Variants in PCNX2 observed in about 807,000 individuals in gnomAD.
The protein encoded by PCNX2 is pecanex 2.
In PCNX2, 168 loss-of-function variants were observed where a neutral mutation model predicts 223.8. The observed-to-expected ratio is 0.75, with a 90% CI of 0.66 to 0.85. PCNX2 has a LOEUF of 0.85. Among genes scored for constraint, PCNX2 ranks in the 40% least tolerant of loss-of-function variants. The pLI is 0.00. For missense variants in PCNX2, 2,507 were observed against 2,675.5 expected (o/e 0.94, Z 1.39); for synonymous variants, 1,006 against 1,052.6 (o/e 0.96, Z 0.86).
chr1:233,083,855 T>C (rs368688021), intron 23 of PCNX2, among the ~76,000 whole-genome samples: 266 of 152,292 alleles, frequency 1.7e-3, no homozygotes, highest in African/African-American at 6.1e-3. Flanking sequence ...ATCTATATGA[T>C]GTGTCATTTC....
rs1032419485 is a variant in PCNX2, at chr1:233,282,207, C to G, written c.153+13119G>C. On this transcript the variant is annotated intron_variant, in intron 1 of 33. Coordinates refer to ENST00000258229, the MANE Select transcript of PCNX2 (RefSeq NM_014801.4). ...CTCTCCTTGCTCTTCCCTTGTCTCC[C>G]GACGCCTCCTCTTTGCCCTGCCTCT... 2.6e-5 allele frequency among the ~76,000 whole-genome samples: 4 copies of G among 152,064 alleles called. No individual in the cohort carries two copies. The South Asian group carries it at 8.3e-4, about 32-fold the overall frequency.
At chr1:233,129,871 C>T (rs937476573) in intron 21 of PCNX2, among the ~76,000 whole-genome samples, 8 of 152,190 alleles carry the variant, frequency 5.3e-5, no homozygotes, top group Non-Finnish European at 1.0e-4. Flanking sequence ...AGAATAAAAG[C>T]AGGCTGCCAG....
chr1:233,208,625 A>C lies in PCNX2; in HGVS notation c.2756T>G (p.Leu919Trp). 6.2e-7 allele frequency: 1 copy of C among 1,613,942 alleles called. No individual in the cohort carries two copies. The highest frequency in any genetic ancestry group is 2.2e-5 in the East Asian group (1 of 44,870). The stretch of plus-strand genomic sequence containing the variant: ...GGCTTTGGCCCCTGTATCAAGAAGC[A>C]AAATAAGGCCACACAGCACACAAAA... ...IYFCVLCGLI[L>W]LLDTGAKARH... The change falls in exon 13 of 34, where the codon TTG becomes TGG. Residue 919 changes from leucine (L) to tryptophan (W), a missense_variant. Coordinates refer to ENST00000258229, the MANE Select transcript of PCNX2 (RefSeq NM_014801.4).
chr1:233,125,187 T>G (rs1410976168), intron 21 of PCNX2, among the ~76,000 whole-genome samples: 1 of 152,244 alleles, frequency 6.6e-6, no homozygotes, highest in Non-Finnish European at 1.5e-5. Flanking sequence ...TGTTGAGCTT[T>G]GATCTCTGAA....
rs759045027 is a variant in PCNX2 at position 233,054,404 on chromosome 1, T to C, written c.4215A>G (p.Leu1405=). ...RTLQESLCGD[L]VLGRWGNYSS... ...TGTAGTTGCCCCAACGTCCAAGAAC[T>C]AAGTCTCCACAGAGGGACTCCTGGA... Residue 1405 remains leucine (L), a synonymous_variant, in exon 25 of 34, where the codon TTA becomes TTG. Transcript: ENST00000258229. 1.2e-6 allele frequency: 2 copies of C among 1,613,852 alleles called. No individual in the cohort carries two copies. Among genetic ancestry groups the C allele is most frequent in the Non-Finnish European group, 1.7e-6 (2 of 1,179,814 alleles).
intron 25 of PCNX2, among the ~76,000 whole-genome samples, chr1:233,030,043 C>A (rs933982318): frequency 1.3e-5 from 2 of 152,150 alleles, no homozygotes; most frequent in African/African-American, 4.8e-5. Flanking sequence ...CTATTTCACA[C>A]TTCTCCATTT....
chr1:233,018,774 A>G (rs2102823176), intron 26 of PCNX2: 8 of 985,434 alleles, frequency 8.1e-6, no homozygotes, highest in Non-Finnish European at 9.6e-6. Flanking sequence ...TCACTGTGAA[A>G]TCATGAGGGG....
At chr1:233,131,724 C>G (rs1429904243) in intron 21 of PCNX2, among the ~76,000 whole-genome samples, 1 of 151,930 alleles carries the variant, frequency 6.6e-6, no homozygotes, top group Non-Finnish European at 1.5e-5. Context: ...TTTTGTCTCA[C>G]TAATTTTTCT....
At chr1:233,208,947 C>A (rs1302319327) in intron 12 of PCNX2, among the ~76,000 whole-genome samples, 1 of 147,296 alleles carries the variant, frequency 6.8e-6, no homozygotes, top group Non-Finnish European at 1.5e-5. Flanking sequence ...TCATTCTCAA[C>A]AAGATTTACC....
intron 17 of PCNX2, among the ~76,000 whole-genome samples, chr1:233,172,782 AAG>A (rs1164260992): frequency 3.3e-5 from 5 of 152,296 alleles, no homozygotes; most frequent in Non-Finnish European, 5.9e-5. Context: ...TACATTCAGG[AAG>A]AGTTTTTTTG....
In PCNX2 at chr1:233,025,163, T is replaced by C; in HGVS notation, c.4588A>G (p.Ile1530Val). The C allele has an allele frequency of 1.2e-6, 2 of 1,613,964 alleles. No individual in the cohort carries two copies. Among genetic ancestry groups the C allele is most frequent in the South Asian group, 2.2e-5 (2 of 91,082 alleles). Residue 1530 changes from isoleucine to valine, a missense_variant, in exon 26 of 34, where the codon ATC (isoleucine) becomes GTC (valine). Physicochemically the swap from Ile to Val is conservative, Grantham distance 29. Around this residue, in one of 3 missense-constraint regions of PCNX2, gnomAD observed 1,372 missense variants for 1,509.4 expected, o/e 0.91. Transcript: ENST00000258229. The part of the protein sequence containing the change: ...LQVFDLRRIL[I>V]RYYIKSIIYY... ...AGCAATACCTTGATGTAGTAGCGGA[T>C]GAGGATCCTTCGGAGGTCAAACACC... is the stretch of plus-strand genomic sequence containing the variant.
At chr1:233,013,271 T>C (rs1038468626) in intron 28 of PCNX2, among the ~76,000 whole-genome samples, 2 of 152,198 alleles carry the variant, frequency 1.3e-5, no homozygotes, top group Non-Finnish European at 2.9e-5. Flanking sequence ...GTAGTTGATA[T>C]CACAAATCCT....
chr1:233,238,507 A>G (rs921055664), intron 8 of PCNX2, among the ~76,000 whole-genome samples: 1 of 152,086 alleles, frequency 6.6e-6, no homozygotes, highest in Non-Finnish European at 1.5e-5. Context: ...CCCTGGCAAC[A>G]CAGTGAGACC....
chr1:233,210,628 C>T (rs1681764689), intron 12 of PCNX2: 2 of 985,202 alleles, frequency 2.0e-6, no homozygotes, highest in Middle Eastern at 5.2e-4. Flanking sequence ...ATAAAATGTC[C>T]CTGCTCTTCA....
At chr1:233,235,959 T>A (rs12730721) in intron 9 of PCNX2, among the ~76,000 whole-genome samples, 3,132 of 45,834 alleles carry the variant, frequency 0.068, 85 homozygotes, top group African/African-American at 0.088. Flanking sequence ...TAAAAAAAAA[T>A]ATATATATAT....
chr1:233,217,299 T>C (rs1358535455), intron 12 of PCNX2, among the ~76,000 whole-genome samples: 1 of 152,182 alleles, frequency 6.6e-6, no homozygotes, highest in Non-Finnish European at 1.5e-5. Context: ...TGTATACATA[T>C]ATCAAAACAT....
the PCNX2 span, among the ~76,000 whole-genome samples, chr1:233,325,558 C>G: frequency 6.6e-6 from 1 of 151,234 alleles, no homozygotes; most frequent in Non-Finnish European, 1.5e-5. Flanking sequence ...CACCTGTAGT[C>G]CCAGCTACTC....
At chr1:233,033,235 A>G in intron 25 of PCNX2, 1 of 964,616 alleles carries the variant, frequency 1.0e-6, no homozygotes. Flanking sequence ...AGCCAGACTT[A>G]TTTATTCCCA....
At chr1:233,231,030 C>T (rs1309967059) in intron 9 of PCNX2, among the ~76,000 whole-genome samples, 1 of 151,994 alleles carries the variant, frequency 6.6e-6, no homozygotes, top group Non-Finnish European at 1.5e-5. Context: ...ATAATTTTGC[C>T]ATATATTATC....
Sources: gnomAD v4.1 joint callset for allele counts (sites outside exome capture counted in the v4.1 genomes callset) on GRCh38, gnomAD v4.1.1 for gene constraint, gnomAD v4.1.1 regional missense constraint, MANE v1.5 for transcripts, NCBI Gene and HGNC (gene_info 2026-07-23, HGNC 2026-07-21) for gene names.